PDE4B: variants seen among roughly 807,000 people sequenced by gnomAD.
The protein encoded by PDE4B is 3',5'-cyclic-AMP phosphodiesterase 4B.
PDE4B carries 20 observed loss-of-function variants against 82.2 expected under a neutral mutation model. The ratio of observed to expected loss-of-function variants is 0.24; its 90% CI spans 0.17 to 0.35. PDE4B has a LOEUF of 0.35. PDE4B is among the 10% of genes least tolerant of loss of function. PDE4B has a pLI of 1.00. For synonymous variants in PDE4B, 320 were observed against 318.9 expected, an observed-to-expected ratio of 1.00 and a Z score of -0.04; for missense variants, 655 against 907.2, an observed-to-expected ratio of 0.72 and a Z score of 3.57.
At chr1:66,364,610 T>G (rs767266169) in intron 12 of PDE4B, among the ~76,000 whole-genome samples, 1 of 152,232 alleles carries the variant, frequency 6.6e-6, no homozygotes, top group Non-Finnish European at 1.5e-5. Context: ...GTGGCAACTC[T>G]ATTGCTTGTG....
intron 2 of PDE4B, among the ~76,000 whole-genome samples, chr1:65,914,303 T>C (rs914201229): frequency 1.3e-5 from 2 of 152,216 alleles, no homozygotes; most frequent in Non-Finnish European, 2.9e-5. Context: ...CTTCCTTCTG[T>C]GTTCCTGTAG....
intron 3 of PDE4B, among the ~76,000 whole-genome samples, chr1:66,023,367 T>C (rs1427808790): frequency 6.6e-6 from 1 of 152,192 alleles, no homozygotes; most frequent in Non-Finnish European, 1.5e-5. Flanking sequence ...GGCTTATCAG[T>C]TCACAATGTT....
chr1:66,294,164 C>T (rs534330028), intron 7 of PDE4B, among the ~76,000 whole-genome samples: 1 of 152,052 alleles, frequency 6.6e-6, no homozygotes, highest in Non-Finnish European at 1.5e-5. Context: ...CAAGATTGCA[C>T]CATTGCACTC....
At chr1:66,358,548 C>A (rs1044949748) in intron 9 of PDE4B, among the ~76,000 whole-genome samples, 1 of 151,984 alleles carries the variant, frequency 6.6e-6, no homozygotes, top group African/African-American at 2.4e-5. Context: ...GTGGTACATG[C>A]CTGTGGTCCC....
intron 1 of PDE4B, among the ~76,000 whole-genome samples, chr1:65,911,539 C>G (rs1158559549): frequency 4.0e-5 from 6 of 151,430 alleles, no homozygotes; most frequent in Non-Finnish European, 8.8e-5. Flanking sequence ...TCAGGTTTAA[C>G]CCTAACTATA....
At chr1:66,018,521 G>A (rs192123214) in intron 3 of PDE4B, among the ~76,000 whole-genome samples, 9 of 152,290 alleles carry the variant, frequency 5.9e-5, no homozygotes, top group African/African-American at 2.2e-4. Context: ...GTATTTTAAT[G>A]TGCTTTGTGT....
Position 65,891,552 on chromosome 1 carries a change from A to C in PDE4B, c.-70-21693A>C, listed in dbSNP as rs551158886. On this transcript the variant is annotated intron_variant, in intron 1 of 16. Transcript: ENST00000341517. ...AGAACTTAGACTATCACATGTAGTC[A>C]AGCTCATTGTTACAAAACATGCGCT... is the stretch of plus-strand genomic sequence containing the variant. Among the ~76,000 whole-genome samples the C allele has an allele frequency of 9.9e-5, 15 of 152,178 alleles. 1 individual carries two copies. The highest frequency in any genetic ancestry group is 3.6e-4 in the African/African-American group (15 of 41,570).
At chr1:66,146,990 G>A (rs571329434) in intron 3 of PDE4B, among the ~76,000 whole-genome samples, 2 of 152,214 alleles carry the variant, frequency 1.3e-5, no homozygotes, top group East Asian at 3.9e-4. Flanking sequence ...TTGAATTTGT[G>A]GATCTATGCT....
chr1:65,926,790 C>CAA (rs1228263361), intron 3 of PDE4B, among the ~76,000 whole-genome samples: 1 of 151,820 alleles, frequency 6.6e-6, no homozygotes, highest in Non-Finnish European at 1.5e-5. Flanking sequence ...CAAATACACA[C>CAA]ACACACACAC....
intron 3 of PDE4B, among the ~76,000 whole-genome samples, chr1:65,920,215 T>G (rs1315185084): frequency 6.6e-6 from 1 of 152,246 alleles, no homozygotes; most frequent in African/African-American, 2.4e-5. Flanking sequence ...TGTTAAAGTA[T>G]TGAAATGCTT....
At chr1:66,161,036 T>C (rs959939975) in intron 3 of PDE4B, among the ~76,000 whole-genome samples, 1 of 128,098 alleles carries the variant, frequency 7.8e-6, no homozygotes, top group Non-Finnish European at 1.7e-5. Flanking sequence ...ACAACCAGTC[T>C]TCTGGAAGAT....
chr1:66,116,801 G>A (rs1200637202), intron 3 of PDE4B, among the ~76,000 whole-genome samples: 2 of 152,194 alleles, frequency 1.3e-5, no homozygotes, highest in African/African-American at 2.4e-5. Flanking sequence ...CTGGGCTCAA[G>A]CAATCCTCCA....
At chr1:66,281,197 A>C (rs548396426) in intron 7 of PDE4B, among the ~76,000 whole-genome samples, 7 of 152,398 alleles carry the variant, frequency 4.6e-5, no homozygotes, top group African/African-American at 1.7e-4. Flanking sequence ...CAGAAGTGGA[A>C]CATGCTTCTA....
chr1:65,877,156 ACAAGGCTACAGTAAC>A lies in PDE4B; in HGVS notation c.-70-36085_-70-36071del, dbSNP rs1206468386. Among the ~76,000 whole-genome samples the A allele has an allele frequency of 7.2e-5, 11 of 152,320 alleles. No individual in the cohort carries two copies. The South Asian group carries it at 2.1e-3, about 29-fold the overall frequency. On this transcript the variant is annotated intron_variant, in intron 1 of 16. Transcript: ENST00000341517. ...ATGCTACCTAACTTCAAACTATACT[ACAAGGCTACAGTAAC>A]CAAAACAGCATGGTACTGGTACCAA...
At position 65,964,271 on chromosome 1, in the gene PDE4B, C is replaced by A. The variant is rs540443193; in HGVS notation, c.281+45436C>A. On this transcript the variant is annotated intron_variant, in intron 3 of 16. Transcript: ENST00000341517. Reference sequence around the variant, plus strand: ...AGTTGTTTATTTACAAAAGTCTTCCCAGGTTACATGCCAAGCAATAAAACG... The same window carrying A: ...AGTTGTTTATTTACAAAAGTCTTCCAAGGTTACATGCCAAGCAATAAAACG... Among the ~76,000 whole-genome samples the A allele has an allele frequency of 6.6e-5, 10 of 152,192 alleles. No individual in the cohort carries two copies. In the East Asian group the frequency reaches 1.9e-3, roughly 29 times the overall value.
At chr1:66,253,665 C>T (rs1489092712) in intron 4 of PDE4B, among the ~76,000 whole-genome samples, 1 of 152,290 alleles carries the variant, frequency 6.6e-6, no homozygotes, top group East Asian at 1.9e-4. Context: ...AGTGATTTAT[C>T]AAATTATGAT....
rs141690256 is a variant in PDE4B, at chr1:66,266,276, A to T, written c.634+189A>T. Reference sequence around the variant, plus strand: ...ACTCTATTAAAACCACATTAAAAGCAGTACTAAATAATTTGCCCATTGTAT... The same window carrying T: ...ACTCTATTAAAACCACATTAAAAGCTGTACTAAATAATTTGCCCATTGTAT... On this transcript the variant is annotated intron_variant, in intron 7 of 16. Transcript: ENST00000341517. 1,045 of 601,684 alleles carry T rather than the reference A, an allele frequency of 1.7e-3. 7 individuals carry two copies. In the African/African-American group the frequency reaches 0.017, roughly 10 times the overall value. The allele number at this position is 601,684 out of a possible 1,614,324, so 37.3% of individuals were successfully genotyped here. A position where few individuals can be genotyped will look rare whatever the true frequency, so the allele number is the denominator to read the frequency against.
chr1:66,093,863 A>T (rs1645068513), intron 3 of PDE4B, among the ~76,000 whole-genome samples: 1 of 152,060 alleles, frequency 6.6e-6, no homozygotes, highest in African/African-American at 2.4e-5. Context: ...TATCATTAAG[A>T]CAAATATGGA....
In PDE4B at chr1:66,187,555, G is replaced by A. The variant is rs1286375046; in HGVS notation, c.282-59905G>A. On this transcript the variant is annotated intron_variant, in intron 3 of 16. Transcript: ENST00000341517. ...AAAGATTTAACTTCTTCCTGGTTTA[G>A]TCTTGGGAGGGCATATGTGTCGAAG... Among the ~76,000 whole-genome samples, 5 of 152,350 alleles carry A rather than the reference G, an allele frequency of 3.3e-5. 1 individual carries two copies. The Middle Eastern group carries it at 0.014, about 415-fold the overall frequency.
Sources: allele counts gnomAD v4.1 joint callset (sites outside exome capture counted in the v4.1 genomes callset), GRCh38; gene constraint gnomAD v4.1.1; transcripts MANE v1.5; gene names NCBI Gene and HGNC (gene_info 2026-07-23, HGNC 2026-07-21).